Variants in NBAS observed in about 807,000 individuals in gnomAD.
NBAS encodes the protein NAG/BC035112 fusion.
Under a neutral mutation model 302.5 loss-of-function variants are expected in NBAS, and 219 were observed. The ratio of observed to expected loss-of-function variants is 0.72; its 90% confidence interval spans 0.65 to 0.81. The LOEUF (loss-of-function observed/expected upper bound fraction) is 0.81, where lower values mean the gene tolerates loss of function less well. Ranked by LOEUF, NBAS falls within the 30% of genes least tolerant of loss-of-function variation. The probability of loss-of-function intolerance (pLI) is 0.00; values close to 1 mark genes in which losing one functional copy is unlikely to be tolerated. For synonymous variants in NBAS, 1,118 were observed against 1,021.6 expected (o/e 1.09, Z -1.80); for missense variants, 2,932 against 2,841.6 (o/e 1.03, Z -0.72).
the NBAS span, among the ~76,000 whole-genome samples, chr2:15,116,195 G>A: frequency 6.6e-6 from 1 of 152,100 alleles, no homozygotes; most frequent in African/African-American, 2.4e-5. Context: ...TCGTTGATGG[G>A]GATATTGACC....
intron 48 of NBAS, among the ~76,000 whole-genome samples, chr2:15,196,679 T>G (rs1665636976): frequency 6.6e-6 from 1 of 152,196 alleles, no homozygotes; most frequent in Admixed American, 6.5e-5. Flanking sequence ...ATAATTTGTA[T>G]AAAGCATGCA....
chr2:15,155,859 G>A, the NBAS span, among the ~76,000 whole-genome samples: 2 of 152,278 alleles, frequency 1.3e-5, no homozygotes, highest in Admixed American at 1.3e-4. Context: ...GCTCCATTGC[G>A]CAGATGGTCT....
At chr2:15,061,890 A>G in the NBAS span, among the ~76,000 whole-genome samples, 1 of 152,340 alleles carries the variant, frequency 6.6e-6, no homozygotes, top group Non-Finnish European at 1.5e-5. Context: ...GCATTATATC[A>G]TTGAAGCAGC....
the NBAS span, among the ~76,000 whole-genome samples, chr2:15,075,375 C>T: frequency 6.6e-6 from 1 of 152,186 alleles, no homozygotes; most frequent in Non-Finnish European, 1.5e-5. Context: ...CTGTTGGAAT[C>T]AGCCGCTTGG....
At chr2:14,921,263 T>C in the NBAS span, among the ~76,000 whole-genome samples, 1 of 152,126 alleles carries the variant, frequency 6.6e-6, no homozygotes, top group Admixed American at 6.5e-5. Flanking sequence ...AAGTTCTCCA[T>C]CTTATATGAG....
intron 9 of NBAS, among the ~76,000 whole-genome samples, chr2:15,520,956 T>C (rs1488965886): frequency 2.0e-5 from 3 of 152,358 alleles, no homozygotes; most frequent in Admixed American, 6.5e-5. Flanking sequence ...TCTCATGTTG[T>C]GATGAGTAGG....
At chr2:15,320,092 C>T (rs1274351376) in intron 38 of NBAS, among the ~76,000 whole-genome samples, 4 of 152,160 alleles carry the variant, frequency 2.6e-5, no homozygotes, top group Non-Finnish European at 5.9e-5. Context: ...GCTGGTTCAA[C>T]ATATGCAAAT....
the NBAS span, among the ~76,000 whole-genome samples, chr2:14,865,907 C>G: frequency 6.6e-6 from 1 of 152,256 alleles, no homozygotes; most frequent in South Asian, 2.1e-4. Flanking sequence ...CCAACAAGAT[C>G]AAGATCCAAA....
chr2:15,384,339 C>T (rs1675185328), intron 28 of NBAS, among the ~76,000 whole-genome samples: 1 of 152,146 alleles, frequency 6.6e-6, no homozygotes, highest in Non-Finnish European at 1.5e-5. Context: ...TCTGGAAGCT[C>T]ACTTCAGTGA....
the NBAS span, among the ~76,000 whole-genome samples, chr2:15,082,118 G>A: frequency 6.6e-6 from 1 of 152,152 alleles, no homozygotes; most frequent in African/African-American, 2.4e-5. Flanking sequence ...AGATAAGGAT[G>A]GTGGTATTGG....
At chr2:15,046,799 A>C in the NBAS span, among the ~76,000 whole-genome samples, 1 of 152,160 alleles carries the variant, frequency 6.6e-6, no homozygotes, top group South Asian at 2.1e-4. Flanking sequence ...TAACTCTAAG[A>C]TGGGGGCCTG....
the NBAS span, among the ~76,000 whole-genome samples, chr2:14,818,726 C>A: frequency 6.6e-6 from 1 of 152,198 alleles, no homozygotes; most frequent in Admixed American, 6.5e-5. Flanking sequence ...CTCTACAAAG[C>A]AGCTAACGGA....
At chr2:14,855,636 C>T in the NBAS span, among the ~76,000 whole-genome samples, 1 of 152,134 alleles carries the variant, frequency 6.6e-6, no homozygotes, top group Admixed American at 6.5e-5. Flanking sequence ...TCTAGCTGTA[C>T]TCCTCATGGC....
rs72778611 is a variant in NBAS at position 15,409,852 on chromosome 2, T to C, written c.2937+5694A>G. On this transcript the variant is annotated intron_variant, in intron 25 of 51. Transcript: ENST00000281513. ...CTCATCAAAGCTTTATCTATAAGAATCTTGTACAATCTAGATTAAAGTGAG... is the reference window on the plus strand; with the variant it reads ...CTCATCAAAGCTTTATCTATAAGAACCTTGTACAATCTAGATTAAAGTGAG... 4.0e-3 allele frequency among the ~76,000 whole-genome samples: 616 copies of C among 152,338 alleles called. 4 individuals are homozygous for C. The highest frequency in any genetic ancestry group is 8.1e-3 in the South Asian group (39 of 4,824).
chr2:14,792,380 G>C, the NBAS span, among the ~76,000 whole-genome samples: 1 of 152,100 alleles, frequency 6.6e-6, no homozygotes, highest in Non-Finnish European at 1.5e-5. Context: ...AAAATTAACT[G>C]GTTAACACAA....
At chr2:15,504,360 T>C (rs940829780) in intron 10 of NBAS, 147 bp from the exon 11 acceptor site, 9 of 732,844 alleles carry the variant, frequency 1.2e-5, no homozygotes, top group Admixed American at 4.9e-5. Context: ...TCAAGGATCT[T>C]GGTGAGATTT....
At chr2:15,447,800 T>G (rs78065355) in intron 21 of NBAS, among the ~76,000 whole-genome samples, 1 of 152,176 alleles carries the variant, frequency 6.6e-6, no homozygotes, top group Non-Finnish European at 1.5e-5. Context: ...TCTTACTCCA[T>G]TTATGCTGCT....
intron 21 of NBAS, among the ~76,000 whole-genome samples, chr2:15,431,733 A>G (rs911367391): frequency 6.6e-6 from 1 of 152,182 alleles, no homozygotes; most frequent in African/African-American, 2.4e-5. Context: ...TGAGAACAAC[A>G]ATGTTTTCCT....
the NBAS span, among the ~76,000 whole-genome samples, chr2:15,048,321 T>C: frequency 2.0e-5 from 3 of 152,326 alleles, no homozygotes; most frequent in East Asian, 5.8e-4. Context: ...AAGTCCAATG[T>C]GCAGGGCACA....
Sources: allele counts gnomAD v4.1 joint callset (sites outside exome capture counted in the v4.1 genomes callset), GRCh38; gene constraint gnomAD v4.1.1; transcripts MANE v1.5; gene names NCBI Gene and HGNC (gene_info 2026-07-23, HGNC 2026-07-21).